The following DIAPH3 variants were observed in gnomAD, a reference collection of about 807,000 sequenced individuals.
DIAPH3 encodes protein diaphanous homolog 3.
DIAPH3 carries 117 observed loss-of-function variants against 144.3 expected under a neutral mutation model. The ratio of observed to expected loss-of-function variants is 0.81; its 90% CI spans 0.70 to 0.95. The LOEUF is 0.95. Among genes scored for constraint, DIAPH3 ranks in the 40% least tolerant of loss-of-function variants. The probability of loss-of-function intolerance (pLI) is 0.00; values close to 1 mark genes in which losing one functional copy is unlikely to be tolerated. For synonymous variants in DIAPH3, 519 were observed against 488.9 expected, an observed-to-expected ratio of 1.06 and a Z score of -0.81; for missense variants, 1,421 against 1,412.7, an observed-to-expected ratio of 1.01 and a Z score of -0.09.
chr13:59,865,494 G>A (rs1056655269), intron 21 of DIAPH3, among the ~76,000 whole-genome samples: 2 of 151,976 alleles, frequency 1.3e-5, no homozygotes, highest in African/African-American at 2.4e-5. Context: ...GTGCTTGACA[G>A]GATTTCTTTT....
chr13:59,774,774 G>A lies in DIAPH3; in HGVS notation c.3213C>T (p.Ser1071=), dbSNP rs1306153366. The A allele has an allele frequency of 6.2e-6, 10 of 1,613,978 alleles. No homozygotes were observed. In the East Asian group the frequency reaches 6.7e-5, roughly 11 times the overall value. Residue 1071 remains serine, a synonymous_variant, in exon 26 of 28, where the codon TCC becomes TCT. Coordinates refer to ENST00000400324, the MANE Select transcript of DIAPH3 (RefSeq NM_001042517.2). ...TTCTTCTGTCGCGGAAGGCAGCCCCGGACTGCAAGGCCTCCAGCAGATTAT... is the reference window on the plus strand; with the variant it reads ...TTCTTCTGTCGCGGAAGGCAGCCCCAGACTGCAAGGCCTCCAGCAGATTAT... ...VMDNLLEALQ[S]GAAFRDRRKR...
intron 4 of DIAPH3, among the ~76,000 whole-genome samples, chr13:60,076,137 A>C (rs1043281200): frequency 2.0e-5 from 3 of 152,180 alleles, no homozygotes; most frequent in African/African-American, 7.2e-5. Flanking sequence ...CTGCCACCAA[A>C]GCAGCTCGAA....
At chr13:59,703,823 A>G (rs1237820996) in intron 27 of DIAPH3, among the ~76,000 whole-genome samples, 2 of 152,130 alleles carry the variant, frequency 1.3e-5, no homozygotes, top group Non-Finnish European at 2.9e-5. Flanking sequence ...TATTCTATGT[A>G]TATATTAAAA....
In DIAPH3 at chr13:59,879,298, C is replaced by T; in HGVS notation, c.2538G>A (p.Met846Ile). 6.2e-7 allele frequency: 1 copy of T among 1,613,850 alleles called. No individual in the cohort carries two copies. Among genetic ancestry groups the T allele is most frequent in the Non-Finnish European group, 8.5e-7 (1 of 1,179,842 alleles). ...GGGAGCCAGCATTCATGTAGTTTCC[C>T]ATTAGCAATACAAGTTCCAGCAACT... ...FSKLLELVLL[M>I]GNYMNAGSRN... The change falls in exon 21 of 28, where the codon ATG (methionine) becomes ATA (isoleucine). Residue 846 changes from methionine (M) to isoleucine (I), a missense_variant. Coordinates refer to ENST00000400324, the MANE Select transcript of DIAPH3 (RefSeq NM_001042517.2).
At chr13:60,090,948 A>G (rs945095009) in intron 4 of DIAPH3, among the ~76,000 whole-genome samples, 1 of 152,236 alleles carries the variant, frequency 6.6e-6, no homozygotes. Flanking sequence ...TTAGAGGATT[A>G]AAGTTGAAAA....
chr13:59,977,326 T>A (rs938143584), intron 14 of DIAPH3, among the ~76,000 whole-genome samples: 3 of 151,794 alleles, frequency 2.0e-5, no homozygotes, highest in African/African-American at 7.3e-5. Flanking sequence ...AGCGTGTGGA[T>A]GAATGACAAG....
chr13:60,146,049 T>TTTTA (rs5803985), intron 1 of DIAPH3, among the ~76,000 whole-genome samples: 1 of 151,768 alleles, frequency 6.6e-6, no homozygotes, highest in Non-Finnish European at 1.5e-5. Context: ...TAATACTACT[T>TTTTA]ATTACACCCT....
At chr13:59,903,309 T>C (rs1817128725) in intron 20 of DIAPH3, among the ~76,000 whole-genome samples, 5 of 152,218 alleles carry the variant, frequency 3.3e-5, no homozygotes, top group Admixed American at 3.3e-4. Flanking sequence ...ATATTTAGTC[T>C]GGGAAAGTGT....
intron 18 of DIAPH3, among the ~76,000 whole-genome samples, chr13:59,923,794 C>A (rs1430660970): frequency 6.6e-6 from 1 of 152,126 alleles, no homozygotes; most frequent in African/African-American, 2.4e-5. Context: ...GGGATCTTGG[C>A]AGGCCTGCAT....
rs1407801639 is a variant in DIAPH3 at position 59,879,455 on chromosome 13, T to G, written c.2381A>C (p.Lys794Thr). The change falls in exon 21 of 28, where the codon AAG becomes ACG. Residue 794 changes from lysine (K) to threonine (T), a missense_variant. Coordinates refer to ENST00000400324, the MANE Select transcript of DIAPH3 (RefSeq NM_001042517.2). Reference sequence around the variant, plus strand: ...AGCACTGAGCCGTGGCCGTAGTCTCTTCACATTGCTCATCTGATTGAAAAG... The same window carrying G: ...AGCACTGAGCCGTGGCCGTAGTCTCGTCACATTGCTCATCTGATTGAAAAG... ...EQFVVVMSNVKRLRPRLSAIL... is the reference protein window; with the variant it reads ...EQFVVVMSNVTRLRPRLSAIL... 6.2e-7 allele frequency: 1 copy of G among 1,613,742 alleles called. No homozygotes were observed. Among genetic ancestry groups the G allele is most frequent in the Non-Finnish European group, 8.5e-7 (1 of 1,179,760 alleles).
chr13:59,948,901 GAA>G (rs1366639353), intron 17 of DIAPH3, among the ~76,000 whole-genome samples: 4 of 138,706 alleles, frequency 2.9e-5, no homozygotes, highest in Non-Finnish European at 6.3e-5. Context: ...AGGAAGGAAG[GAA>G]GGAAACTTCA....
intron 27 of DIAPH3, among the ~76,000 whole-genome samples, chr13:59,753,576 T>A (rs1304969052): frequency 6.6e-6 from 1 of 152,194 alleles, no homozygotes; most frequent in Non-Finnish European, 1.5e-5. Context: ...CTGAGTAATA[T>A]CTATATTTTA....
chr13:59,726,989 G>C (rs1162133920), intron 27 of DIAPH3, among the ~76,000 whole-genome samples: 1 of 152,104 alleles, frequency 6.6e-6, no homozygotes, highest in Non-Finnish European at 1.5e-5. Flanking sequence ...TCTCTTTATA[G>C]ATATTAAAAA....
intron 1 of DIAPH3, among the ~76,000 whole-genome samples, chr13:60,154,052 T>G (rs1245487514): frequency 6.6e-6 from 1 of 152,120 alleles, no homozygotes; most frequent in Non-Finnish European, 1.5e-5. Flanking sequence ...TATGCCAGGA[T>G]AAGAACTAAG....
intron 9 of DIAPH3, among the ~76,000 whole-genome samples, chr13:59,998,045 T>A (rs970840478): frequency 2.0e-5 from 3 of 152,122 alleles, no homozygotes; most frequent in Non-Finnish European, 2.9e-5. Flanking sequence ...CAATTAAATT[T>A]CACATTTATC....
At chr13:59,978,954 T>G (rs944007967) in intron 14 of DIAPH3, among the ~76,000 whole-genome samples, 3 of 151,672 alleles carry the variant, frequency 2.0e-5, no homozygotes, top group African/African-American at 7.3e-5. Flanking sequence ...TTTTTCAAAT[T>G]TATGCACCAA....
chr13:59,992,219 ATTTTGT>A, intron 10 of DIAPH3, 33 bp from the exon 11 acceptor site: 1 of 1,539,548 alleles, frequency 6.5e-7, no homozygotes, highest in Non-Finnish European at 8.9e-7. Flanking sequence ...ATGATGAATG[ATTTTGT>A]TTTTAATTAT....
Position 60,141,598 on chromosome 13 carries a change from T to C in DIAPH3, c.181-8609A>G, listed in dbSNP as rs560514333. On this transcript the variant is annotated intron_variant, in intron 1 of 27. Coordinates refer to ENST00000400324, the MANE Select transcript of DIAPH3 (RefSeq NM_001042517.2). ...CATGATTCAGGTAAAACTTGGAATGTAGAATTTGTTCTTCTAACAGAATGA... is the reference window on the plus strand; with the variant it reads ...CATGATTCAGGTAAAACTTGGAATGCAGAATTTGTTCTTCTAACAGAATGA... 2.0e-5 allele frequency among the ~76,000 whole-genome samples: 3 copies of C among 152,352 alleles called. No homozygotes were observed. In the East Asian group the frequency reaches 5.8e-4, roughly 29 times the overall value.
chr13:59,738,853 T>C (rs1405232767), intron 27 of DIAPH3, among the ~76,000 whole-genome samples: 1 of 152,238 alleles, frequency 6.6e-6, no homozygotes, highest in Non-Finnish European at 1.5e-5. Context: ...TATTTACCTA[T>C]ATGCCTCCTT....
Sources: allele counts gnomAD v4.1 joint callset (sites outside exome capture counted in the v4.1 genomes callset), GRCh38; gene constraint gnomAD v4.1.1; transcripts MANE v1.5; gene names NCBI Gene and HGNC (gene_info 2026-07-23, HGNC 2026-07-21).